RASEF: variants seen among roughly 807,000 people sequenced by gnomAD.
RASEF encodes the protein RAS and EF-hand domain containing.
A neutral mutation model predicts 90.1 loss-of-function variants in RASEF; 68 were observed. That is an observed-to-expected ratio of 0.75 (90% CI 0.62 to 0.92). RASEF has a LOEUF of 0.92. Ranked by LOEUF, RASEF falls within the 40% of genes least tolerant of loss-of-function variation. The pLI is 0.00. For missense variants in RASEF, 949 were observed against 937.2 expected (o/e 1.01, Z -0.16); for synonymous variants, 331 against 345.2 (o/e 0.96, Z 0.46).
the RASEF span, among the ~76,000 whole-genome samples, chr9:83,108,568 T>C: frequency 6.6e-6 from 1 of 152,122 alleles, no homozygotes; most frequent in South Asian, 2.1e-4. Context: ...GGCTAAGAGA[T>C]TATCTCCCCA....
At chr9:83,137,986 CTATTTTAAGATATAGA>C in the RASEF span, among the ~76,000 whole-genome samples, 1 of 151,702 alleles carries the variant, frequency 6.6e-6, no homozygotes, top group Non-Finnish European at 1.5e-5. Flanking sequence ...AGGAGCTAAT[CTATTTTAAGATATAGA>C]TACAATTTAA....
the RASEF span, among the ~76,000 whole-genome samples, chr9:83,139,707 T>C: frequency 2.0e-5 from 3 of 152,112 alleles, no homozygotes; most frequent in Admixed American, 6.6e-5. Flanking sequence ...AGTTCAAATC[T>C]GTGTTGTCCA....
In RASEF at chr9:82,981,634, C is replaced by A; in HGVS notation, c.*1043G>T. 6.6e-6 allele frequency: 1 copy of A among 152,088 alleles called. No homozygotes were observed. Among genetic ancestry groups the A allele is most frequent in the East Asian group, 1.9e-4 (1 of 5,188 alleles). The allele number at this position is 152,088 out of a possible 1,614,324, so 9.4% of individuals were successfully genotyped here. On this transcript the variant is annotated 3_prime_UTR_variant, in exon 17 of 17. Coordinates refer to ENST00000376447, the MANE Select transcript of RASEF (RefSeq NM_152573.4). ...AGATAATTCACAACCATAAAATTCA[C>A]CCTTTCAAAGTATACAATTCAGTGG... is the stretch of plus-strand genomic sequence containing the variant.
chr9:83,107,796 G>A, the RASEF span, among the ~76,000 whole-genome samples: 1 of 152,086 alleles, frequency 6.6e-6, no homozygotes, highest in Non-Finnish European at 1.5e-5. Flanking sequence ...GCCTCTTCTT[G>A]TGGCCCCTAG....
intron 9 of RASEF, 96 bp downstream of exon 9, chr9:83,004,402 G>C (rs1023115904): frequency 2.4e-5 from 8 of 331,374 alleles, no homozygotes; most frequent in African/African-American, 2.0e-4. Flanking sequence ...AGTGACCAAA[G>C]TATATTCTAT....
chr9:83,156,940 T>C, the RASEF span, among the ~76,000 whole-genome samples: 1 of 152,194 alleles, frequency 6.6e-6, no homozygotes, highest in Non-Finnish European at 1.5e-5. Context: ...ATAATTCATC[T>C]CTCTTTCCCC....
At position 83,062,755 on chromosome 9, in the gene RASEF, G is replaced by A. The variant is rs1345011066; in HGVS notation, c.113C>T (p.Thr38Met). The A allele has an allele frequency of 1.9e-6, 3 of 1,566,644 alleles. No individual in the cohort carries two copies. The highest frequency in any genetic ancestry group is 1.4e-5 in the African/African-American group (1 of 73,948). The change falls in exon 1 of 17, where the codon ACG becomes ATG. Residue 38 changes from threonine (T) to methionine (M), a missense_variant. Coordinates refer to ENST00000376447, the MANE Select transcript of RASEF (RefSeq NM_152573.4). ...GTCGGCCGGCCGCACCCGCAGCTCCGTGCACAGTGCCCGGAACTCCTCGCG... is the reference window on the plus strand; with the variant it reads ...GTCGGCCGGCCGCACCCGCAGCTCCATGCACAGTGCCCGGAACTCCTCGCG... ...LEREEFRALC[T>M]ELRVRPADAE...
the RASEF span, among the ~76,000 whole-genome samples, chr9:83,206,304 T>A: frequency 3.3e-5 from 5 of 152,168 alleles, no homozygotes; most frequent in East Asian, 7.7e-4. Flanking sequence ...GGAATTAATC[T>A]TTGTTTTTAA....
At chr9:83,022,228 C>T (rs1829457511) in intron 3 of RASEF, 108 bp downstream of exon 3, 2 of 815,480 alleles carry the variant, frequency 2.5e-6, no homozygotes, top group South Asian at 1.5e-5. Flanking sequence ...TCTGCAGAAA[C>T]CTGGACTTGC....
the RASEF span, among the ~76,000 whole-genome samples, chr9:83,090,564 T>A: frequency 6.6e-6 from 1 of 152,118 alleles, no homozygotes; most frequent in African/African-American, 2.4e-5. Context: ...CCACCACACC[T>A]GGCTAATTTT....
chr9:83,089,403 C>T, the RASEF span, among the ~76,000 whole-genome samples: 5 of 152,100 alleles, frequency 3.3e-5, no homozygotes, highest in Admixed American at 3.3e-4. Context: ...TGTTGATTCA[C>T]ATTACTATCT....
Position 83,000,969 on chromosome 9 carries a change from T to C in RASEF, c.1364A>G (p.Tyr455Cys). The change falls in exon 10 of 17, where the codon TAC becomes TGC. Residue 455 changes from tyrosine to cysteine, a missense_variant. Coordinates refer to ENST00000376447, the MANE Select transcript of RASEF (RefSeq NM_152573.4). Reference sequence around the variant, plus strand: ...CCTCTGAAATCCCCTCTGGTGCTTGTATTCCACTTCTGAGTCATACTCATT... The same window carrying C: ...CCTCTGAAATCCCCTCTGGTGCTTGCATTCCACTTCTGAGTCATACTCATT... ...DPNEYDSEVE[Y>C]KHQRGFQRSH... 1.2e-6 allele frequency: 2 copies of C among 1,614,160 alleles called. No individual in the cohort carries two copies. The highest frequency in any genetic ancestry group is 1.7e-6 in the Non-Finnish European group (2 of 1,180,030).
chr9:83,046,227 G>C (rs1342807017), intron 1 of RASEF, among the ~76,000 whole-genome samples: 1 of 152,104 alleles, frequency 6.6e-6, no homozygotes, highest in African/African-American at 2.4e-5. Context: ...TCATTTTTAA[G>C]ATACCCACAG....
In RASEF at chr9:83,005,424, T is replaced by C. The variant is rs1429312650; in HGVS notation, c.1105A>G (p.Arg369Gly). 1.9e-6 allele frequency: 3 copies of C among 1,609,260 alleles called. No homozygotes were observed. Among genetic ancestry groups the C allele is most frequent in the Non-Finnish European group, 8.5e-7 (1 of 1,175,762 alleles). ...AAAACTATGTGGCATACCAAAGATC[T>C]GTTGAACTTGCTATAACTGTTTTCA... ...ALENSYSKFNRSLHINNISPG... is the reference protein window; with the variant it reads ...ALENSYSKFNGSLHINNISPG... The change falls in exon 8 of 17, where the codon AGA becomes GGA. Residue 369 changes from arginine (R) to glycine (G), a missense_variant. Coordinates refer to ENST00000376447, the MANE Select transcript of RASEF (RefSeq NM_152573.4).
At chr9:83,178,236 G>C in the RASEF span, among the ~76,000 whole-genome samples, 2 of 152,034 alleles carry the variant, frequency 1.3e-5, no homozygotes, top group African/African-American at 2.4e-5. Context: ...TAGCCCATTT[G>C]ACTAGCAAAA....
chr9:83,135,467 C>A, the RASEF span, among the ~76,000 whole-genome samples: 1 of 151,968 alleles, frequency 6.6e-6, no homozygotes, highest in Non-Finnish European at 1.5e-5. Flanking sequence ...ACGTTGCGCA[C>A]ATGTACCCTA....
chr9:83,206,192 T>C, the RASEF span, among the ~76,000 whole-genome samples: 1 of 152,238 alleles, frequency 6.6e-6, no homozygotes, highest in Non-Finnish European at 1.5e-5. Flanking sequence ...TGTAACCTAG[T>C]TCAAAAAACA....
In RASEF at chr9:83,008,891, C is replaced by CATATATAT. The variant is rs56810511; in HGVS notation, c.959+742_959+749dup. Among the ~76,000 whole-genome samples the CATATATAT allele has an allele frequency of 8.4e-3, 164 of 19,528 alleles. 6 individuals carry two copies. The highest frequency in any genetic ancestry group is 0.011 in the African/African-American group (72 of 6,422). The allele number at this position is 19,528 out of a possible 152,430, so 12.8% of individuals were successfully genotyped here. ...TCCCAACTAAATTTGAAGTTCTCAT[C>CATATATAT]ATATATATATATATATATATATATA... On this transcript the variant is annotated intron_variant, in intron 6 of 16. Transcript: ENST00000376447.
chr9:83,180,982 G>C, the RASEF span, among the ~76,000 whole-genome samples: 285 of 151,894 alleles, frequency 1.9e-3, no homozygotes, highest in Non-Finnish European at 3.4e-3. Flanking sequence ...ACATTCAAGT[G>C]ATATTTTGGC....
Sources: allele counts gnomAD v4.1 joint callset (sites outside exome capture counted in the v4.1 genomes callset), GRCh38; gene constraint gnomAD v4.1.1; transcripts MANE v1.5; gene names NCBI Gene and HGNC (gene_info 2026-07-23, HGNC 2026-07-21).